LRP1B: variants seen among roughly 807,000 people sequenced by gnomAD.
The protein encoded by LRP1B is LDL receptor related protein 1B.
In LRP1B, 217 loss-of-function variants were observed where a neutral mutation model predicts 556.6. The observed-to-expected ratio is 0.39, with a 90% CI of 0.35 to 0.44. LRP1B has a LOEUF of 0.44. Ranked by LOEUF, LRP1B falls within the 20% of genes least tolerant of loss-of-function variation. LRP1B has a pLI of 1.00. For missense variants in LRP1B, 5,053 were observed against 5,620.8 expected (o/e 0.90, Z 3.23); for synonymous variants, 2,047 against 1,865.8 (o/e 1.10, Z -2.50).
intron 3 of LRP1B, among the ~76,000 whole-genome samples, chr2:141,335,468 A>G (rs80082821): frequency 0.023 from 3,451 of 152,302 alleles, 71 homozygotes; most frequent in South Asian, 0.063. Context: ...GGGTCACGCT[A>G]AGGACCTTGT....
intron 3 of LRP1B, among the ~76,000 whole-genome samples, chr2:141,446,932 A>G (rs969971036): frequency 9.9e-5 from 15 of 151,894 alleles, no homozygotes; most frequent in Admixed American, 2.0e-4. Context: ...GGTGTTCTCT[A>G]TATTTCCTGA....
At chr2:141,639,376 A>G (rs1237241344) in intron 2 of LRP1B, among the ~76,000 whole-genome samples, 2 of 92,982 alleles carry the variant, frequency 2.2e-5, no homozygotes, top group African/African-American at 6.8e-5. Flanking sequence ...ATATATATAT[A>G]CACATATATA....
chr2:140,265,596 C>T (rs771276692), intron 86 of LRP1B, among the ~76,000 whole-genome samples: 1 of 152,010 alleles, frequency 6.6e-6, no homozygotes, highest in Non-Finnish European at 1.5e-5. Flanking sequence ...TTGCACAGTT[C>T]AAATAGTTTT....
At chr2:140,278,731 T>C (rs1682792211) in intron 84 of LRP1B, among the ~76,000 whole-genome samples, 1 of 152,026 alleles carries the variant, frequency 6.6e-6, no homozygotes, top group Non-Finnish European at 1.5e-5. Context: ...GCCATGCCAT[T>C]TTTTCCCCTC....
intron 2 of LRP1B, among the ~76,000 whole-genome samples, chr2:141,770,559 T>C (rs1296850701): frequency 6.6e-6 from 1 of 152,242 alleles, no homozygotes; most frequent in East Asian, 1.9e-4. Context: ...AGAAGCGTTC[T>C]CTTTTTTATT....
rs141358135 is a variant in LRP1B at position 140,965,504 on chromosome 2, T to C, written c.2888-13564A>G. On this transcript the variant is annotated intron_variant, in intron 18 of 90. Coordinates refer to ENST00000389484, the MANE Select transcript of LRP1B (RefSeq NM_018557.3). ...GCATGATTCAGAGTATCTATACATG[T>C]AAATAATAGTTATATAAAATTTTAT... Among the ~76,000 whole-genome samples the C allele has an allele frequency of 7.2e-3, 1,098 of 152,130 alleles. 9 individuals carry two copies. The highest frequency in any genetic ancestry group is 0.023 in the African/African-American group (968 of 41,506).
intron 46 of LRP1B, among the ~76,000 whole-genome samples, chr2:140,535,097 G>T (rs1462494341): frequency 6.6e-6 from 1 of 152,102 alleles, no homozygotes; most frequent in East Asian, 1.9e-4. Flanking sequence ...ATTTTTAAAG[G>T]ATGGTAAATA....
rs533373773 is a variant in LRP1B at position 141,284,674 on chromosome 2, A to G, written c.344-30033T>C. ...TATAAACAGAAGTAGAGTTACATGT[A>G]TTATTTTCCATGAGATATTCAGTTA... On this transcript the variant is annotated intron_variant, in intron 3 of 90. Coordinates refer to ENST00000389484, the MANE Select transcript of LRP1B (RefSeq NM_018557.3). Among the ~76,000 whole-genome samples the G allele has an allele frequency of 9.8e-5, 15 of 152,320 alleles. No individual in the cohort carries two copies. The South Asian group carries it at 2.9e-3, about 29-fold the overall frequency.
chr2:140,660,577 G>A lies in LRP1B; in HGVS notation c.6799+39673C>T, dbSNP rs141582428. ...ATCTCCCAAACTCCCTCTCTGATCT[G>A]GACCAGGACTTTCCTGAGTCTCATG... On this transcript the variant is annotated intron_variant, in intron 41 of 90. Transcript: ENST00000389484. Among the ~76,000 whole-genome samples, 61 of 152,034 alleles carry A rather than the reference G, an allele frequency of 4.0e-4. 1 individual carries two copies. The highest frequency in any genetic ancestry group is 1.3e-3 in the African/African-American group (54 of 41,488).
intron 3 of LRP1B, among the ~76,000 whole-genome samples, chr2:141,426,292 G>A (rs1294966542): frequency 6.6e-6 from 1 of 151,698 alleles, no homozygotes; most frequent in Non-Finnish European, 1.5e-5. Context: ...CTCTGTTTTG[G>A]TACCAGTACC....
intron 86 of LRP1B, among the ~76,000 whole-genome samples, chr2:140,250,868 T>A (rs1237482331): frequency 5.9e-5 from 9 of 151,846 alleles, no homozygotes; most frequent in Non-Finnish European, 1.5e-5. Flanking sequence ...ACAAATATCA[T>A]TCAATGTCTT....
At chr2:142,111,388 G>A (rs1413330293) in intron 1 of LRP1B, among the ~76,000 whole-genome samples, 1 of 152,038 alleles carries the variant, frequency 6.6e-6, no homozygotes, top group African/African-American at 2.4e-5. Context: ...CAACCCTAAT[G>A]TGTGTTTTGT....
chr2:140,352,463 T>G (rs1043352920), intron 76 of LRP1B, among the ~76,000 whole-genome samples: 1 of 152,162 alleles, frequency 6.6e-6, no homozygotes, highest in African/African-American at 2.4e-5. Flanking sequence ...CATGAGCCAC[T>G]GCACCAGGCC....
At position 141,855,111 on chromosome 2, in the gene LRP1B, A is replaced by G. The variant is rs547316999; in HGVS notation, c.83-44710T>C. ...CTAGGAAGAAGGTGGAGGCTGACCA[A>G]TTCCCTCATCTGACAGGTTGTGTGA... On this transcript the variant is annotated intron_variant, in intron 1 of 90. Coordinates refer to ENST00000389484, the MANE Select transcript of LRP1B (RefSeq NM_018557.3). Among the ~76,000 whole-genome samples the G allele has an allele frequency of 2.6e-5, 4 of 152,162 alleles. No individual in the cohort carries two copies. The South Asian group carries it at 8.3e-4, about 32-fold the overall frequency.
At chr2:140,424,730 A>G (rs1685585401) in intron 66 of LRP1B, among the ~76,000 whole-genome samples, 1 of 152,232 alleles carries the variant, frequency 6.6e-6, no homozygotes, top group African/African-American at 2.4e-5. Context: ...ACAATACACC[A>G]GATAGTTCAA....
At chr2:141,110,147 T>C (rs969311022) in intron 7 of LRP1B, among the ~76,000 whole-genome samples, 1 of 152,028 alleles carries the variant, frequency 6.6e-6, no homozygotes, top group African/African-American at 2.4e-5. Context: ...TACAAAAACC[T>C]CTCAGGCCTT....
At chr2:140,783,865 G>T (rs182393270) in intron 32 of LRP1B, among the ~76,000 whole-genome samples, 9 of 152,266 alleles carry the variant, frequency 5.9e-5, no homozygotes, top group African/African-American at 2.2e-4. Flanking sequence ...GAAGGATTAC[G>T]TGATAATCTA....
intron 2 of LRP1B, among the ~76,000 whole-genome samples, chr2:141,798,785 C>G (rs1057091536): frequency 1.3e-5 from 2 of 151,360 alleles, no homozygotes; most frequent in African/African-American, 4.9e-5. Context: ...ATTGGTCCTC[C>G]CAAAATTCAT....
In LRP1B at chr2:141,055,238, A is replaced by T. The variant is rs758691984; in HGVS notation, c.1430T>A (p.Val477Asp). ...QPTVRSHACE[V>D]DPYGMPGGCS... Reference sequence around the variant, plus strand: ...GCCCCCTGGCATTCCATATGGATCGACTTCACATGCATGGCTTCTGACTAC... The same window carrying T: ...GCCCCCTGGCATTCCATATGGATCGTCTTCACATGCATGGCTTCTGACTAC... The change falls in exon 10 of 91, where the codon GTC (valine) becomes GAC (aspartate). Residue 477 changes from valine to aspartate, a missense_variant. Val to Asp is a radical substitution (Grantham distance 152). Coordinates refer to ENST00000389484, the MANE Select transcript of LRP1B (RefSeq NM_018557.3). 1.2e-6 allele frequency: 2 copies of T among 1,610,668 alleles called. No homozygotes were observed. The highest frequency in any genetic ancestry group is 1.7e-6 in the Non-Finnish European group (2 of 1,178,272).
Sources: gnomAD v4.1 joint callset for allele counts (sites outside exome capture counted in the v4.1 genomes callset) on GRCh38, gnomAD v4.1.1 for gene constraint, MANE v1.5 for transcripts, NCBI Gene and HGNC (gene_info 2026-07-23, HGNC 2026-07-21) for gene names.